The following FHIT variants were observed in gnomAD, a reference collection of about 807,000 sequenced individuals.
FHIT encodes fragile histidine triad diadenosine triphosphatase, also known as bis(5'-adenosyl)-triphosphatase.
In FHIT, 19 loss-of-function variants were observed where a neutral mutation model predicts 17.9. That is an observed-to-expected ratio of 1.06 (90% CI 0.74 to 1.56). The LOEUF (loss-of-function observed/expected upper bound fraction) is 1.56, where lower values mean the gene tolerates loss of function less well. Among genes scored for constraint, FHIT ranks in the 40% most tolerant of loss-of-function variants. The pLI, the probability that FHIT is intolerant of heterozygous loss-of-function variation, is 0.00. For missense variants in FHIT, 248 were observed against 189.2 expected (o/e 1.31, Z -1.82); for synonymous variants, 81 against 69.7 (o/e 1.16, Z -0.81).
At chr3:60,099,484 G>C (rs1704102798) in intron 5 of FHIT, among the ~76,000 whole-genome samples, 1 of 152,050 alleles carries the variant, frequency 6.6e-6, no homozygotes, top group African/African-American at 2.4e-5. Context: ...CAATCAGTAG[G>C]ACTTTAGAGC....
rs557520961 is a variant in FHIT, at chr3:60,075,977, A to G, written c.104-61825T>C. Among the ~76,000 whole-genome samples the G allele has an allele frequency of 3.4e-4, 52 of 152,264 alleles. 1 individual carries two copies. The South Asian group carries it at 0.011, about 31-fold the overall frequency. ...AAACAGCTACGTGTGAGTTCTGAGT[A>G]AATATTGCTAATTTATGTCTATCTG... On this transcript the variant is annotated intron_variant, in intron 5 of 9. Transcript: ENST00000492590.
rs59589849 is a variant in FHIT, at chr3:59,869,484, C to CTTTTTTT, written c.348+52855_348+52861dup. 1.9e-5 allele frequency among the ~76,000 whole-genome samples: 2 copies of CTTTTTTT among 105,488 alleles called. 1 individual carries two copies. Among genetic ancestry groups the CTTTTTTT allele is most frequent in the Non-Finnish European group, 3.7e-5 (2 of 54,396 alleles). The allele number at this position is 105,488 out of a possible 152,430, so 69.2% of individuals were successfully genotyped here. On this transcript the variant is annotated intron_variant, in intron 8 of 9. Coordinates refer to ENST00000492590, the MANE Select transcript of FHIT (RefSeq NM_002012.4). ...ATTCCATCTTTCCTTAAAGAACATC[C>CTTTTTTT]TTTTTTTTTTTTTTTTAGACAGAGT... is the stretch of plus-strand genomic sequence containing the variant.
At chr3:59,810,440 C>A (rs961919183) in intron 8 of FHIT, among the ~76,000 whole-genome samples, 1 of 152,160 alleles carries the variant, frequency 6.6e-6, no homozygotes, top group Non-Finnish European at 1.5e-5. Flanking sequence ...AGCTGGCCCC[C>A]TATCTTAATT....
At chr3:60,762,860 G>C (rs958814400) in intron 4 of FHIT, among the ~76,000 whole-genome samples, 7 of 152,188 alleles carry the variant, frequency 4.6e-5, no homozygotes, top group African/African-American at 1.4e-4. Context: ...AATATCAACT[G>C]TTCCTTGGGT....
chr3:60,620,624 T>C (rs1437026002), intron 4 of FHIT, among the ~76,000 whole-genome samples: 2 of 149,872 alleles, frequency 1.3e-5, no homozygotes, highest in African/African-American at 2.4e-5. Flanking sequence ...CAAAGATCAA[T>C]GGTTTGCAAG....
rs148455114 is a variant in FHIT at position 60,145,072 on chromosome 3, C to T, written c.104-130920G>A. 5.4e-3 allele frequency among the ~76,000 whole-genome samples: 816 copies of T among 152,246 alleles called. 8 individuals are homozygous for T. Among genetic ancestry groups the T allele is most frequent in the African/African-American group, 0.018 (763 of 41,552 alleles). On this transcript the variant is annotated intron_variant, in intron 5 of 9. Coordinates refer to ENST00000492590, the MANE Select transcript of FHIT (RefSeq NM_002012.4). Reference sequence around the variant, plus strand: ...TTATTCCAAAGACTTTGACCTAAATCCCTCAGTATTCCCCTTCAACTAACT... The same window carrying T: ...TTATTCCAAAGACTTTGACCTAAATTCCTCAGTATTCCCCTTCAACTAACT...
chr3:60,625,170 A>C (rs1467149280), intron 4 of FHIT, among the ~76,000 whole-genome samples: 1 of 152,130 alleles, frequency 6.6e-6, no homozygotes, highest in Non-Finnish European at 1.5e-5. Context: ...CAGCCTCCCA[A>C]AATGTTGGGA....
At chr3:60,638,606 T>C (rs1553684574) in intron 4 of FHIT, among the ~76,000 whole-genome samples, 1 of 152,150 alleles carries the variant, frequency 6.6e-6, no homozygotes. Flanking sequence ...TAATTTGAGA[T>C]GTTTTAGGTG....
intron 5 of FHIT, among the ~76,000 whole-genome samples, chr3:60,086,512 C>A (rs1703499712): frequency 6.6e-6 from 1 of 152,154 alleles, no homozygotes; most frequent in Non-Finnish European, 1.5e-5. Context: ...TAATTTCTTT[C>A]CAGCTATGAG....
chr3:61,115,326 G>A (rs2036269391), intron 2 of FHIT, among the ~76,000 whole-genome samples: 1 of 152,100 alleles, frequency 6.6e-6, no homozygotes, highest in South Asian at 2.1e-4. Flanking sequence ...ATGTGAAGGA[G>A]GTATCACTGT....
At chr3:59,936,684 C>T (rs961914794) in intron 7 of FHIT, among the ~76,000 whole-genome samples, 1 of 151,880 alleles carries the variant, frequency 6.6e-6, no homozygotes, top group African/African-American at 2.4e-5. Context: ...ATGATCAGTC[C>T]AAAGGGGAAA....
At chr3:59,827,812 C>T (rs889334845) in intron 8 of FHIT, among the ~76,000 whole-genome samples, 1 of 152,206 alleles carries the variant, frequency 6.6e-6, no homozygotes, top group African/African-American at 2.4e-5. Context: ...AGAAGATCTA[C>T]AGATAATGTA....
At chr3:60,463,627 C>T (rs533917074) in intron 5 of FHIT, among the ~76,000 whole-genome samples, 4 of 152,160 alleles carry the variant, frequency 2.6e-5, no homozygotes, top group Non-Finnish European at 4.4e-5. Context: ...ACATTTCAAA[C>T]TGTAATAAGG....
intron 7 of FHIT, among the ~76,000 whole-genome samples, chr3:59,930,885 A>T (rs921252183): frequency 1.6e-4 from 24 of 152,046 alleles, no homozygotes; most frequent in African/African-American, 5.8e-4. Flanking sequence ...ATCTTGCCCA[A>T]CCTACCTTTC....
intron 5 of FHIT, among the ~76,000 whole-genome samples, chr3:60,107,481 C>T (rs191599802): frequency 3.7e-4 from 57 of 152,210 alleles, no homozygotes; most frequent in African/African-American, 1.3e-3. Context: ...AAGTCATTCA[C>T]GAGCTCCACA....
At chr3:60,578,992 T>C (rs1292763032) in intron 4 of FHIT, among the ~76,000 whole-genome samples, 1 of 152,196 alleles carries the variant, frequency 6.6e-6, no homozygotes, top group African/African-American at 2.4e-5. Flanking sequence ...TGATCTTCAA[T>C]GTTATCTCAA....
intron 5 of FHIT, among the ~76,000 whole-genome samples, chr3:60,194,982 A>G (rs1483379571): frequency 2.0e-5 from 3 of 152,172 alleles, no homozygotes; most frequent in East Asian, 1.9e-4. Context: ...CCTGGCCAAC[A>G]TGGAGAAACG....
chr3:60,709,924 T>C (rs1316322929), intron 4 of FHIT, among the ~76,000 whole-genome samples: 3 of 152,194 alleles, frequency 2.0e-5, no homozygotes, highest in Non-Finnish European at 4.4e-5. Context: ...TCAATGCTTC[T>C]TTCATGCAGA....
At chr3:60,338,475 T>A (rs1457786733) in intron 5 of FHIT, among the ~76,000 whole-genome samples, 1 of 152,204 alleles carries the variant, frequency 6.6e-6, no homozygotes, top group Non-Finnish European at 1.5e-5. Flanking sequence ...ATTATAGGCA[T>A]GCGCCACCAT....
Sources: gnomAD v4.1 joint callset for allele counts (sites outside exome capture counted in the v4.1 genomes callset) on GRCh38, gnomAD v4.1.1 for gene constraint, MANE v1.5 for transcripts, NCBI Gene and HGNC (gene_info 2026-07-23, HGNC 2026-07-21) for gene names.